CCDC73: variants seen among roughly 807,000 people sequenced by gnomAD.
The protein encoded by CCDC73 is coiled-coil domain containing 73.
Under a neutral mutation model 116.5 loss-of-function variants are expected in CCDC73, and 95 were observed. The observed-to-expected ratio is 0.82, with a 90% CI of 0.69 to 0.97. CCDC73 has a LOEUF of 0.97. Among genes scored for constraint, CCDC73 ranks in the 50% least tolerant of loss-of-function variants. The pLI is 0.00. For missense variants in CCDC73, 1,066 were observed against 1,206.8 expected (o/e 0.88, Z 1.73); for synonymous variants, 398 against 401.3 (o/e 0.99, Z 0.10).
chr11:32,610,369 T>C (rs1332589578), intron 17 of CCDC73, among the ~76,000 whole-genome samples: 2 of 152,234 alleles, frequency 1.3e-5, no homozygotes, highest in African/African-American at 2.4e-5. Context: ...AGAAGAGTTA[T>C]ACTATCTCAC....
At position 32,614,404 on chromosome 11, in the gene CCDC73, ATTTTTTT is replaced by A; in HGVS notation, c.1907_1913del (p.Lys636IlefsTer18). ...AACTATATTTCTGACATGGAACAGG[ATTTTTTT>A]TTATATCTAGAGACGAGTCCAAATC... On this transcript the variant is annotated frameshift_variant, in exon 16 of 18. Transcript: ENST00000335185. LOFTEE classifies it high-confidence loss of function. 1 of 1,608,324 alleles carries A rather than the reference ATTTTTTT, an allele frequency of 6.2e-7. No individual in the cohort carries two copies. The highest frequency in any genetic ancestry group is 2.2e-5 in the East Asian group (1 of 44,770).
chr11:32,710,150 T>G (rs1486280389), intron 3 of CCDC73, among the ~76,000 whole-genome samples: 1 of 152,198 alleles, frequency 6.6e-6, no homozygotes, highest in Admixed American at 6.5e-5. Flanking sequence ...ATCAGTTTTT[T>G]GTTTATCTTT....
chr11:32,744,790 TTC>T (rs922817218), intron 2 of CCDC73, among the ~76,000 whole-genome samples: 60 of 152,326 alleles, frequency 3.9e-4, no homozygotes, highest in African/African-American at 1.3e-3. Flanking sequence ...TATTTGATTC[TTC>T]TCTCTTTTCT....
At chr11:32,642,368 ATAAAG>A (rs1290837919) in intron 12 of CCDC73, among the ~76,000 whole-genome samples, 1 of 152,102 alleles carries the variant, frequency 6.6e-6, no homozygotes, top group Non-Finnish European at 1.5e-5. Context: ...AAAAGGTAAT[ATAAAG>A]TACAGCACTG....
At chr11:32,607,900 AT>A (rs1435791708) in intron 17 of CCDC73, among the ~76,000 whole-genome samples, 1 of 152,202 alleles carries the variant, frequency 6.6e-6, no homozygotes, top group East Asian at 1.9e-4. Context: ...CAATTCTTAC[AT>A]GGTGGCAGCA....
chr11:32,639,002 G>A (rs962181038), intron 13 of CCDC73, among the ~76,000 whole-genome samples: 4 of 151,460 alleles, frequency 2.6e-5, no homozygotes, highest in Non-Finnish European at 5.9e-5. Flanking sequence ...CAAAAAGTTA[G>A]CCGGGCATGG....
intron 2 of CCDC73, among the ~76,000 whole-genome samples, chr11:32,736,953 T>C (rs72897135): frequency 2.5e-4 from 29 of 117,986 alleles, no homozygotes; most frequent in Admixed American, 1.6e-3. Flanking sequence ...TATATATATA[T>C]ACACACATAT....
intron 6 of CCDC73, among the ~76,000 whole-genome samples, chr11:32,685,287 A>AAAAT (rs1331856921): frequency 6.9e-6 from 1 of 143,916 alleles, no homozygotes; most frequent in East Asian, 2.0e-4. Context: ...AAAAAAAAAA[A>AAAAT]CTCCTGCCCA....
rs183119815 is a variant in CCDC73, at chr11:32,741,126, G to A, written c.135+18983C>T. Among the ~76,000 whole-genome samples the A allele has an allele frequency of 3.8e-3, 583 of 152,242 alleles. 3 individuals are homozygous for A. Among genetic ancestry groups the A allele is most frequent in the Non-Finnish European group, 6.0e-3 (411 of 67,986 alleles). On this transcript the variant is annotated intron_variant, in intron 2 of 17. Transcript: ENST00000335185. ...CCTTGAGAATGATCCATGTGCTGAG[G>A]AGAATAATTTGTATTCTGCAGCTAT...
At chr11:32,742,641 C>T (rs1409282406) in intron 2 of CCDC73, among the ~76,000 whole-genome samples, 2 of 152,266 alleles carry the variant, frequency 1.3e-5, no homozygotes, top group East Asian at 3.9e-4. Flanking sequence ...CTTTGCTGTG[C>T]AGAAGTTCTT....
intron 5 of CCDC73, among the ~76,000 whole-genome samples, chr11:32,699,901 T>A (rs1329225298): frequency 5.0e-5 from 7 of 139,434 alleles, no homozygotes; most frequent in Non-Finnish European, 1.1e-4. Flanking sequence ...TATATATATA[T>A]AAAAAGAACC....
chr11:32,690,914 G>A (rs1856251459), intron 6 of CCDC73, among the ~76,000 whole-genome samples: 1 of 152,106 alleles, frequency 6.6e-6, no homozygotes, highest in South Asian at 2.1e-4. Context: ...TCTTGGTATT[G>A]TACATTCTAT....
chr11:32,820,969 C>A, the CCDC73 span, among the ~76,000 whole-genome samples: 1 of 151,860 alleles, frequency 6.6e-6, no homozygotes, highest in African/African-American at 2.4e-5. Flanking sequence ...AGATCTCTAC[C>A]CTTTATCTGT....
intron 17 of CCDC73, among the ~76,000 whole-genome samples, chr11:32,607,828 T>A (rs1424593670): frequency 6.6e-6 from 1 of 151,512 alleles, no homozygotes; most frequent in Non-Finnish European, 1.5e-5. Context: ...AAAGATAGGT[T>A]TAACGGACTT....
chr11:32,786,195 T>C (rs1170704004), intron 1 of CCDC73, among the ~76,000 whole-genome samples: 5 of 151,694 alleles, frequency 3.3e-5, no homozygotes, highest in Admixed American at 1.3e-4. Flanking sequence ...ACTCCAACAG[T>C]GATTCCATAT....
In CCDC73 at chr11:32,792,559, T is replaced by C. The variant is rs149425700; in HGVS notation, c.-16+2054A>G. On this transcript the variant is annotated intron_variant, in intron 1 of 17. Transcript: ENST00000335185. ...TTGAAGCATCTCACAGGACTAGTGC[T>C]CCCTGGAACACAATTTAGGAAATAC... 3.1e-3 allele frequency among the ~76,000 whole-genome samples: 477 copies of C among 152,284 alleles called. 2 individuals are homozygous for C. The highest frequency in any genetic ancestry group is 0.011 in the African/African-American group (462 of 41,554).
intron 1 of CCDC73, 62 bp downstream of exon 1, chr11:32,794,551 T>A (rs977328298): frequency 1.3e-5 from 2 of 152,282 alleles, no homozygotes; most frequent in African/African-American, 4.8e-5. Context: ...GGACCCTGCA[T>A]GAAAAGATTA....
intron 7 of CCDC73, chr11:32,681,942 T>C (rs1462374741): frequency 6.6e-6 from 1 of 151,848 alleles, no homozygotes; most frequent in African/African-American, 2.4e-5. Context: ...TAAATATATA[T>C]ACCAACATAT....
rs1855463986 is a variant in CCDC73 at position 32,615,249 on chromosome 11, G to T, written c.1376-307C>A. Among the ~76,000 whole-genome samples the T allele has an allele frequency of 1.3e-5, 2 of 151,992 alleles. 1 individual carries two copies. The highest frequency in any genetic ancestry group is 4.1e-4 in the South Asian group (2 of 4,822). ...TATTAAAAAATGGTTTATTTTTCTAGTCTATTTGCTTCATTTAGGACACTT... is the reference window on the plus strand; with the variant it reads ...TATTAAAAAATGGTTTATTTTTCTATTCTATTTGCTTCATTTAGGACACTT... On this transcript the variant is annotated intron_variant, in intron 15 of 17. Coordinates refer to ENST00000335185, the MANE Select transcript of CCDC73 (RefSeq NM_001008391.4).
Sources: allele counts gnomAD v4.1 joint callset (sites outside exome capture counted in the v4.1 genomes callset), GRCh38; gene constraint gnomAD v4.1.1; transcripts MANE v1.5; gene names NCBI Gene and HGNC (gene_info 2026-07-23, HGNC 2026-07-21).